PRKN: variants seen among roughly 807,000 people sequenced by gnomAD.
PRKN encodes parkin RBR E3 ubiquitin protein ligase.
Under a neutral mutation model 59.5 loss-of-function variants are expected in PRKN, and 56 were observed. The observed-to-expected ratio is 0.94, with a 90% CI of 0.76 to 1.18. PRKN has a LOEUF of 1.18. Among genes scored for constraint, PRKN ranks in the 50% most tolerant of loss-of-function variants. PRKN has a pLI of 0.00. For missense variants in PRKN, 657 were observed against 596.4 expected, an observed-to-expected ratio of 1.10 and a Z score of -1.06; for synonymous variants, 250 against 222.1, an observed-to-expected ratio of 1.13 and a Z score of -1.12.
At chr6:162,547,019 A>G (rs1030323953) in intron 1 of PRKN, among the ~76,000 whole-genome samples, 20 of 152,222 alleles carry the variant, frequency 1.3e-4, no homozygotes, top group East Asian at 9.7e-4. Context: ...TTGCTATTCT[A>G]CTATTGCTTA....
chr6:162,698,518 G>C (rs1324779857), intron 1 of PRKN, among the ~76,000 whole-genome samples: 1 of 152,194 alleles, frequency 6.6e-6, no homozygotes, highest in East Asian at 1.9e-4. Context: ...GGACCCCAAG[G>C]ATGGTGGCTT....
chr6:162,197,635 T>C (rs193175464), intron 4 of PRKN, among the ~76,000 whole-genome samples: 1 of 152,152 alleles, frequency 6.6e-6, no homozygotes, highest in Admixed American at 6.5e-5. Context: ...CTGTGTAACT[T>C]TGGGCTCATT....
intron 7 of PRKN, among the ~76,000 whole-genome samples, chr6:161,589,621 T>A (rs556499279): frequency 9.9e-5 from 15 of 152,114 alleles, no homozygotes; most frequent in Admixed American, 7.9e-4. Flanking sequence ...ATTTTGTGTA[T>A]GTAATTCCAA....
chr6:161,754,016 T>A (rs1020767905), intron 7 of PRKN, among the ~76,000 whole-genome samples: 1 of 152,054 alleles, frequency 6.6e-6, no homozygotes, highest in Non-Finnish European at 1.5e-5. Context: ...CCAGTGTGTA[T>A]CTGCGGAGGA....
intron 1 of PRKN, among the ~76,000 whole-genome samples, chr6:162,479,278 T>C (rs1259648755): frequency 1.3e-5 from 2 of 151,706 alleles, no homozygotes; most frequent in Admixed American, 6.6e-5. Flanking sequence ...CGGGTTGGAG[T>C]GCGGTGGTGT....
chr6:161,792,664 A>G (rs978710600), intron 6 of PRKN, among the ~76,000 whole-genome samples: 40 of 152,182 alleles, frequency 2.6e-4, no homozygotes, highest in African/African-American at 9.4e-4. Context: ...GAAAATTCAC[A>G]CATTGTTTCC....
At chr6:161,537,343 A>AT (rs1222165796) in intron 9 of PRKN, among the ~76,000 whole-genome samples, 3 of 152,252 alleles carry the variant, frequency 2.0e-5, no homozygotes, top group African/African-American at 7.2e-5. Context: ...AATGACTAAC[A>AT]TAAGTTGACT....
At chr6:162,023,225 A>G (rs1163666131) in intron 5 of PRKN, among the ~76,000 whole-genome samples, 1 of 152,034 alleles carries the variant, frequency 6.6e-6, no homozygotes, top group Non-Finnish European at 1.5e-5. Flanking sequence ...CGTGTGTTAC[A>G]GGGTGTTCTC....
intron 7 of PRKN, among the ~76,000 whole-genome samples, chr6:161,757,847 C>G (rs1788998302): frequency 1.1e-5 from 1 of 89,626 alleles, no homozygotes; most frequent in Non-Finnish European, 2.1e-5. Context: ...CTCTCTCTCT[C>G]TCTCTCTCTC....
chr6:162,642,390 G>A (rs1777997012), intron 1 of PRKN, among the ~76,000 whole-genome samples: 1 of 151,852 alleles, frequency 6.6e-6, no homozygotes, highest in Admixed American at 6.6e-5. Flanking sequence ...AAATTATTCA[G>A]GGATCTAAAA....
Position 162,385,892 on chromosome 6 carries a change from G to C in PRKN, c.171+57418C>G, listed in dbSNP as rs527622151. ...AAAAAAAAAAGTTTCAGATTCCAAA[G>C]TTTTTCAAAAAGTAACTTCAAATTT... On this transcript the variant is annotated intron_variant, in intron 2 of 11. Coordinates refer to ENST00000366898, the MANE Select transcript of PRKN (RefSeq NM_004562.3). 2.0e-5 allele frequency among the ~76,000 whole-genome samples: 3 copies of C among 151,990 alleles called. No individual in the cohort carries two copies. The South Asian group carries it at 6.2e-4, about 32-fold the overall frequency.
chr6:161,374,153 G>A (rs1190974268), intron 10 of PRKN, among the ~76,000 whole-genome samples: 2 of 152,112 alleles, frequency 1.3e-5, no homozygotes, highest in Non-Finnish European at 2.9e-5. Context: ...CCAAATGCCC[G>A]TGGGGTATGC....
intron 1 of PRKN, among the ~76,000 whole-genome samples, chr6:162,445,807 G>T (rs1345854891): frequency 6.7e-6 from 1 of 150,332 alleles, no homozygotes; most frequent in African/African-American, 2.4e-5. Context: ...CCCTATATGG[G>T]TGTGCAGTAC....
chr6:161,384,973 A>G (rs577468930), intron 10 of PRKN, among the ~76,000 whole-genome samples: 1 of 152,300 alleles, frequency 6.6e-6, no homozygotes, highest in South Asian at 2.1e-4. Flanking sequence ...CTCTGTCACC[A>G]GGCTGGAGTG....
intron 1 of PRKN, among the ~76,000 whole-genome samples, chr6:162,506,088 G>C (rs1793594378): frequency 6.6e-6 from 1 of 152,106 alleles, no homozygotes; most frequent in South Asian, 2.1e-4. Flanking sequence ...GGCAGCCAAA[G>C]AAGATTCCAA....
In PRKN at chr6:162,556,374, T is replaced by TGTGTGTGTGTGTGTGCGC. The variant is rs1779593564; in HGVS notation, c.8-112902_8-112901insGCGCACACACACACACAC. On this transcript the variant is annotated intron_variant, in intron 1 of 11. Transcript: ENST00000366898. ...GTGTGTGTGTGTGTGTGTGTGTGTG[T>TGTGTGTGTGTGTGTGCGC]GTGTGTGTGTGTGTGTGTGTGTGTG... 3.2e-5 allele frequency among the ~76,000 whole-genome samples: 4 copies of TGTGTGTGTGTGTGTGCGC among 124,236 alleles called. No homozygotes were observed. In the South Asian group the frequency reaches 1.2e-3, roughly 36 times the overall value. 81.5% of individuals were successfully genotyped at this position (124,236 alleles called of 152,430 possible). A position where few individuals can be genotyped will look rare whatever the true frequency, so the allele number is the denominator to read the frequency against.
intron 2 of PRKN, among the ~76,000 whole-genome samples, chr6:162,345,837 A>G (rs1047670788): frequency 2.0e-5 from 3 of 150,738 alleles, no homozygotes; most frequent in African/African-American, 7.5e-5. Context: ...TATGTTTTGA[A>G]TGTGTCCCTC....
chr6:162,134,527 G>T (rs1002106145), intron 4 of PRKN, among the ~76,000 whole-genome samples: 2 of 152,102 alleles, frequency 1.3e-5, no homozygotes, highest in African/African-American at 4.8e-5. Context: ...GAAGTGAATG[G>T]GCCCAGACAC....
At chr6:162,120,932 T>C (rs1780886857) in intron 4 of PRKN, among the ~76,000 whole-genome samples, 1 of 152,232 alleles carries the variant, frequency 6.6e-6, no homozygotes, top group Non-Finnish European at 1.5e-5. Flanking sequence ...TACCATAAAT[T>C]TACTTAGCTT....
Sources: allele counts gnomAD v4.1 joint callset (sites outside exome capture counted in the v4.1 genomes callset), GRCh38; gene constraint gnomAD v4.1.1; transcripts MANE v1.5; gene names NCBI Gene and HGNC (gene_info 2026-07-23, HGNC 2026-07-21).